The following PLBD2 variants were observed in gnomAD, a reference collection of about 807,000 sequenced individuals.
PLBD2 encodes phospholipase B domain containing 2.
In PLBD2, 51 loss-of-function variants were observed where a neutral mutation model predicts 68.3. The observed-to-expected ratio is 0.75, with a 90% CI of 0.60 to 0.94. PLBD2 has a LOEUF of 0.94. Among genes scored for constraint, PLBD2 ranks in the 40% least tolerant of loss-of-function variants. PLBD2 has a pLI of 0.00. For missense variants in PLBD2, 729 were observed against 792.2 expected (o/e 0.92, Z 0.96); for synonymous variants, 314 against 339.3 (o/e 0.93, Z 0.82).
chr12:113,370,560 T>A (rs1180875582), intron 2 of PLBD2, among the ~76,000 whole-genome samples: 1 of 143,100 alleles, frequency 7.0e-6, no homozygotes, highest in Non-Finnish European at 1.5e-5. Flanking sequence ...TACTGCAACC[T>A]CTGCCTCCCT....
At position 113,385,240 on chromosome 12, in the gene PLBD2, T is replaced by C. The variant is rs769557818; in HGVS notation, c.1243T>C (p.Ser415Pro). The change falls in exon 9 of 12, where the codon TCG becomes CCG. Residue 415 changes from serine to proline, a missense_variant. By Grantham distance (74) the Ser-to-Pro change is moderately conservative (BLOSUM62 -1). Coordinates refer to ENST00000280800, the MANE Select transcript of PLBD2 (RefSeq NM_173542.4). ...CATGGTGGTGGTGGCTGACAAGACCTCGGAGCTCTACCAGAAGACCTACTG... is the reference window on the plus strand; with the variant it reads ...CATGGTGGTGGTGGCTGACAAGACCCCGGAGCTCTACCAGAAGACCTACTG... ...PGMVVVADKT[S>P]ELYQKTYWAS... 2 of 1,613,992 alleles carry C rather than the reference T, an allele frequency of 1.2e-6. No homozygotes were observed. The highest frequency in any genetic ancestry group is 1.7e-6 in the Non-Finnish European group (2 of 1,180,014).
At chr12:113,386,307 G>A (rs1957551730) in intron 9 of PLBD2, among the ~76,000 whole-genome samples, 1 of 150,926 alleles carries the variant, frequency 6.6e-6, no homozygotes, top group African/African-American at 2.4e-5. Flanking sequence ...TTGTGCCTCA[G>A]CCTCCCAAGT....
At chr12:113,374,763 G>T in intron 4 of PLBD2, 30 bp from the exon 5 acceptor site, 1 of 1,611,726 alleles carries the variant, frequency 6.2e-7, no homozygotes, top group Non-Finnish European at 8.5e-7. Context: ...AGCAGGCGTG[G>T]TAACCCTCTG....
At chr12:113,377,921 C>G (rs538911597) in intron 5 of PLBD2, among the ~76,000 whole-genome samples, 1 of 152,318 alleles carries the variant, frequency 6.6e-6, no homozygotes, top group East Asian at 1.9e-4. Context: ...AACACTCTCA[C>G]AATGAAAATC....
chr12:113,362,816 G>A (rs1245528145), intron 1 of PLBD2, among the ~76,000 whole-genome samples: 5 of 150,562 alleles, frequency 3.3e-5, no homozygotes. Flanking sequence ...GATAGAGTCT[G>A]CTCTGTTACC....
chr12:113,358,652 A>C lies in PLBD2; in HGVS notation c.52A>C (p.Thr18Pro), dbSNP rs1156725507. 6.8e-7 allele frequency: 1 copy of C among 1,462,030 alleles called. No homozygotes were observed. Among genetic ancestry groups the C allele is most frequent in the Non-Finnish European group, 9.0e-7 (1 of 1,114,300 alleles). 90.6% of individuals were successfully genotyped at this position (1,462,030 alleles called of 1,614,324 possible). Reference sequence around the variant, plus strand: ...CGGCAGCCACCTGGCCCGGGCGCTGACGCGGGCGCTGGCGCTGGCCCTGGT... The same window carrying C: ...CGGCAGCCACCTGGCCCGGGCGCTGCCGCGGGCGCTGGCGCTGGCCCTGGT... ...YPGSHLARAL[T>P]RALALALVLA... The change falls in exon 1 of 12, where the codon ACG (threonine) becomes CCG (proline). Residue 18 changes from threonine (T) to proline (P), a missense_variant. By Grantham distance (38) the Thr-to-Pro change is conservative (BLOSUM62 -1). Coordinates refer to ENST00000280800, the MANE Select transcript of PLBD2 (RefSeq NM_173542.4).
Position 113,374,897 on chromosome 12 carries a change from T to C in PLBD2, c.749T>C (p.Leu250Pro). 6.2e-7 allele frequency: 1 copy of C among 1,614,108 alleles called. No individual in the cohort carries two copies. The highest frequency in any genetic ancestry group is 8.5e-7 in the Non-Finnish European group (1 of 1,180,026). Residue 250 changes from leucine (L) to proline (P), a missense_variant, in exon 5 of 12, where the codon CTG becomes CCG. Leu to Pro is a moderately conservative substitution (Grantham distance 98, BLOSUM62 -3). Coordinates refer to ENST00000280800, the MANE Select transcript of PLBD2 (RefSeq NM_173542.4). ...GSGSCSALIK[L>P]LPGQSDLLVA... ...GGCTCCTGTTCTGCCCTCATCAAGC[T>C]GCTCCCTGGCCAGAGTGACCTCCTG...
rs1348380694 is a variant in PLBD2, at chr12:113,388,948, C to G, written c.*322C>G. 2 of 209,772 alleles carry G rather than the reference C, an allele frequency of 9.5e-6. No homozygotes were observed. The highest frequency in any genetic ancestry group is 4.6e-5 in the African/African-American group (2 of 43,472). The allele number at this position is 209,772 out of a possible 1,614,324, so 13.0% of individuals were successfully genotyped here. ...GGCCCCTTCCTCGTGCTTCTCCTTC[C>G]TGAGGGTTTGGGAAGGTCCTGGGGC... On this transcript the variant is annotated 3_prime_UTR_variant, in exon 12 of 12. Coordinates refer to ENST00000280800, the MANE Select transcript of PLBD2 (RefSeq NM_173542.4).
rs148867549 is a variant in PLBD2, at chr12:113,391,127, T to C, written c.*2501T>C. The stretch of plus-strand genomic sequence containing the variant: ...ACCACCAAGACCTTCCTAAGCCATA[T>C]TGTGGTATACAGACAGATACAAAAA... On this transcript the variant is annotated 3_prime_UTR_variant, in exon 12 of 12. Coordinates refer to ENST00000280800, the MANE Select transcript of PLBD2 (RefSeq NM_173542.4). The C allele has an allele frequency of 6.6e-6, 1 of 152,308 alleles. No homozygotes were observed. The highest frequency in any genetic ancestry group is 2.4e-5 in the African/African-American group (1 of 41,558). The allele number at this position is 152,308 out of a possible 1,614,324, so 9.4% of individuals were successfully genotyped here.
At chr12:113,385,137 G>C in intron 8 of PLBD2, 75 bp from the exon 9 acceptor site, 1 of 1,516,350 alleles carries the variant, frequency 6.6e-7, no homozygotes, top group Non-Finnish European at 9.1e-7. Context: ...AGCCATCGGG[G>C]CTCCCCGAGC....
intron 9 of PLBD2, among the ~76,000 whole-genome samples, chr12:113,385,689 C>T (rs1957544403): frequency 2.6e-5 from 4 of 152,354 alleles, no homozygotes; most frequent in Middle Eastern, 6.8e-3. Context: ...AAACTGAGGC[C>T]CTGAGAAAGT....
At position 113,385,284 on chromosome 12, in the gene PLBD2, G is replaced by A. The variant is rs779098391; in HGVS notation, c.1286+1G>A. On this transcript the variant is annotated splice_donor_variant, in intron 9 of 11. Coordinates refer to ENST00000280800, the MANE Select transcript of PLBD2 (RefSeq NM_173542.4). LOFTEE classifies it high-confidence loss of function. ...CCTACTGGGCCAGCTACAACATACC[G>A]TGCGTGCCTTCTCACTCCGCTCCCC... The A allele has an allele frequency of 1.4e-5, 23 of 1,613,674 alleles. No individual in the cohort carries two copies. Among genetic ancestry groups the A allele is most frequent in the Admixed American group, 8.3e-5 (5 of 59,976 alleles).
intron 10 of PLBD2, 141 bp from the exon 11 acceptor site, chr12:113,387,603 T>G (rs1957563721): frequency 1.1e-6 from 1 of 900,802 alleles, no homozygotes; most frequent in South Asian, 1.6e-5. Flanking sequence ...GCAGAGGAAC[T>G]GTCGGGGGTA....
rs1206646482 is a variant in PLBD2, at chr12:113,374,358, C to A, written c.544-116C>A. 3 of 672,388 alleles carry A rather than the reference C, an allele frequency of 4.5e-6. No individual in the cohort carries two copies. The East Asian group carries it at 8.2e-5, about 18-fold the overall frequency. 41.7% of individuals were successfully genotyped at this position (672,388 alleles called of 1,614,324 possible). A position where few individuals can be genotyped will look rare whatever the true frequency, so the allele number is the denominator to read the frequency against. On this transcript the variant is annotated intron_variant, in intron 3 of 11. Coordinates refer to ENST00000280800, the MANE Select transcript of PLBD2 (RefSeq NM_173542.4). ...AAGGCTGGCTGGAGTCTGGAGGGTA[C>A]CCCCGGGCCTCCTGCTCTGTCTGAA...
chr12:113,370,230 G>T (rs1441391191), intron 2 of PLBD2, among the ~76,000 whole-genome samples: 1 of 151,824 alleles, frequency 6.6e-6, no homozygotes, highest in Non-Finnish European at 1.5e-5. Context: ...TGAATTTTAT[G>T]GTATGCTGAC....
At chr12:113,369,028 T>G in intron 1 of PLBD2, 88 bp from the exon 2 acceptor site, 1 of 831,124 alleles carries the variant, frequency 1.2e-6, no homozygotes, top group Non-Finnish European at 1.9e-6. Flanking sequence ...CTGACCACTG[T>G]GTTGTTTTCA....
At position 113,384,992 on chromosome 12, in the gene PLBD2, C is replaced by T. The variant is rs115770944; in HGVS notation, c.1214+46C>T. 4,002 of 1,543,412 alleles carry T rather than the reference C, an allele frequency of 2.6e-3. 91 individuals carry two copies. In the African/African-American group the frequency reaches 0.047, roughly 18 times the overall value. On this transcript the variant is annotated intron_variant, in intron 8 of 11. Transcript: ENST00000280800. This position sits in a 1 kb window ranked among gnomAD's most constrained non-coding sequence, Gnocchi z 4.2. ...GGGTGGGGGCTCGGGGCAGAGGGGACTGCCAGGGTGAAGGCCCAGAGCCGT... is the reference window on the plus strand; with the variant it reads ...GGGTGGGGGCTCGGGGCAGAGGGGATTGCCAGGGTGAAGGCCCAGAGCCGT...
chr12:113,361,406 C>T (rs1957295128), intron 1 of PLBD2, among the ~76,000 whole-genome samples: 1 of 130,988 alleles, frequency 7.6e-6, no homozygotes, highest in East Asian at 2.4e-4. Context: ...GTGGTATGAT[C>T]ATGGCTCACT....
In PLBD2 at chr12:113,389,561, G is replaced by T. The variant is rs1208192162; in HGVS notation, c.*935G>T. Reference sequence around the variant, plus strand: ...CAACATACTCACCCATCATCCATCTGCACAGCCTTCCACCCACCCATCCGT... The same window carrying T: ...CAACATACTCACCCATCATCCATCTTCACAGCCTTCCACCCACCCATCCGT... On this transcript the variant is annotated 3_prime_UTR_variant, in exon 12 of 12. Transcript: ENST00000280800. The T allele has an allele frequency of 3.9e-5, 6 of 152,184 alleles. No individual in the cohort carries two copies. The East Asian group carries it at 1.2e-3, about 29-fold the overall frequency. 9.4% of individuals were successfully genotyped at this position (152,184 alleles called of 1,614,324 possible). A position where few individuals can be genotyped will look rare whatever the true frequency, so the allele number is the denominator to read the frequency against.
Sources: gnomAD v4.1 joint callset for allele counts (sites outside exome capture counted in the v4.1 genomes callset) on GRCh38, gnomAD v4.1.1 for gene constraint, Gnocchi (gnomAD v3.1) non-coding constraint, MANE v1.5 for transcripts, NCBI Gene and HGNC (gene_info 2026-07-23, HGNC 2026-07-21) for gene names.